PRDM11: variants seen among roughly 807,000 people sequenced by gnomAD.
PRDM11 encodes the protein PR/SET domain 11.
PRDM11 carries 20 observed loss-of-function variants against 97.8 expected under a neutral mutation model. That is an observed-to-expected ratio of 0.20 (90% CI 0.14 to 0.30). The LOEUF (loss-of-function observed/expected upper bound fraction) is 0.30. PRDM11 is among the 10% of genes least tolerant of loss of function. The pLI, the probability that PRDM11 is intolerant of heterozygous loss-of-function variation, is 1.00. For synonymous variants in PRDM11, 599 were observed against 637.7 expected, an observed-to-expected ratio of 0.94 and a Z score of 0.91; for missense variants, 1,139 against 1,555.2, an observed-to-expected ratio of 0.73 and a Z score of 4.50.
intron 4 of PRDM11, among the ~76,000 whole-genome samples, chr11:45,193,272 C>T (rs1022851593): frequency 6.6e-6 from 1 of 152,186 alleles, no homozygotes; most frequent in African/African-American, 2.4e-5. Context: ...CATGATGTGT[C>T]TTGGCCTTTG....
intron 5 of PRDM11, among the ~76,000 whole-genome samples, chr11:45,205,346 CCCCAGGCAGGGTCA>C (rs1381109379): frequency 6.6e-6 from 1 of 152,144 alleles, no homozygotes; most frequent in Non-Finnish European, 1.5e-5. Flanking sequence ...AGGAGACTGG[CCCCAGGCAGGGTCA>C]CCCAGGGATG....
intron 5 of PRDM11, among the ~76,000 whole-genome samples, chr11:45,205,357 G>A (rs2135798616): frequency 6.6e-6 from 1 of 152,244 alleles, no homozygotes; most frequent in South Asian, 2.1e-4. Context: ...CCCAGGCAGG[G>A]TCACCCAGGG....
chr11:45,147,367 C>A (rs1040956772), intron 1 of PRDM11: 1 of 152,054 alleles, frequency 6.6e-6, no homozygotes, highest in Admixed American at 6.5e-5. Context: ...CCCTCGGCCC[C>A]GCGCCGGGGG....
chr11:45,160,608 C>T (rs1851905181), intron 1 of PRDM11, among the ~76,000 whole-genome samples: 3 of 152,224 alleles, frequency 2.0e-5, no homozygotes, highest in South Asian at 4.1e-4. Flanking sequence ...AATCTAGCCA[C>T]ACAGTAGGTT....
chr11:45,212,569 G>A, intron 5 of PRDM11: 1 of 456,298 alleles, frequency 2.2e-6, no homozygotes, highest in Non-Finnish European at 4.4e-6. Context: ...GGCCCGCCCT[G>A]CTCCGTTCAT....
chr11:45,163,775 C>A (rs1677425054), intron 1 of PRDM11, among the ~76,000 whole-genome samples: 1 of 152,206 alleles, frequency 6.6e-6, no homozygotes. Context: ...GAGCTGCAGA[C>A]CAATACTTCC....
At chr11:45,153,001 A>G (rs1851697447) in intron 1 of PRDM11, among the ~76,000 whole-genome samples, 1 of 152,356 alleles carries the variant, frequency 6.6e-6, no homozygotes, top group South Asian at 2.1e-4. Context: ...GGCTGGAGGC[A>G]GGGAGGCCAA....
intron 1 of PRDM11, among the ~76,000 whole-genome samples, chr11:45,098,362 C>T (rs1204348904): frequency 6.6e-6 from 1 of 152,234 alleles, no homozygotes; most frequent in Non-Finnish European, 1.5e-5. Context: ...CCTGACTCTG[C>T]ACCAGACACC....
At chr11:45,142,561 G>A (rs973346852), upstream of PRDM11, among the ~76,000 whole-genome samples, 2 of 152,162 alleles carry the variant, frequency 1.3e-5, no homozygotes, top group African/African-American at 4.8e-5. Context: ...GGACTAATGG[G>A]GGAGATTTTC....
intron 1 of PRDM11, among the ~76,000 whole-genome samples, chr11:45,111,096 G>A (rs770320970): frequency 6.6e-6 from 1 of 152,024 alleles, no homozygotes; most frequent in Non-Finnish European, 1.5e-5. Flanking sequence ...AACTCTGGGA[G>A]GTGTCTCTTC....
intron 5 of PRDM11, among the ~76,000 whole-genome samples, chr11:45,210,427 G>A (rs1018786037): frequency 9.2e-5 from 14 of 152,208 alleles, no homozygotes; most frequent in Non-Finnish European, 1.8e-4. Flanking sequence ...AAAGGCCTCC[G>A]CAGGGACTGC....
chr11:45,133,023 G>C (rs1452681943), intron 1 of PRDM11, among the ~76,000 whole-genome samples: 2 of 152,096 alleles, frequency 1.3e-5, no homozygotes, highest in South Asian at 2.1e-4. Flanking sequence ...TCCTCTTTCT[G>C]GTGTTACCTC....
chr11:45,183,208 T>C, intron 4 of PRDM11, 85 bp downstream of exon 4: 1 of 1,476,152 alleles, frequency 6.8e-7, no homozygotes, highest in Non-Finnish European at 9.1e-7. Context: ...TGGCCCAGCT[T>C]GGCCCCAGAA....
chr11:45,115,559 G>A (rs377306210), intron 1 of PRDM11, among the ~76,000 whole-genome samples: 1 of 152,082 alleles, frequency 6.6e-6, no homozygotes, highest in Non-Finnish European at 1.5e-5. Flanking sequence ...TTCTCTATAA[G>A]AGGCACTCTT....
chr11:45,167,949 C>T (rs1166860104), intron 1 of PRDM11, among the ~76,000 whole-genome samples: 3 of 152,164 alleles, frequency 2.0e-5, no homozygotes, highest in Non-Finnish European at 2.9e-5. Flanking sequence ...CTTCGATGTG[C>T]GTACAAATCA....
At chr11:45,225,001 T>C (rs969764459) in intron 7 of PRDM11, 158 bp downstream of exon 7, 3 of 1,487,700 alleles carry the variant, frequency 2.0e-6, no homozygotes, top group Non-Finnish European at 2.7e-6. Flanking sequence ...AGGTCCTCAG[T>C]GTCTCTGGCA....
intron 1 of PRDM11, among the ~76,000 whole-genome samples, chr11:45,124,811 A>G (rs1207466428): frequency 2.6e-5 from 4 of 152,060 alleles, no homozygotes; most frequent in African/African-American, 9.7e-5. Flanking sequence ...TGTTTTGGTT[A>G]TGTCTCTGCC....
At chr11:45,140,514 C>T (rs1852982733) in intron 1 of PRDM11, among the ~76,000 whole-genome samples, 1 of 152,132 alleles carries the variant, frequency 6.6e-6, no homozygotes. Context: ...TAACATCTAC[C>T]TGGGCATAAA....
At chr11:45,191,827 A>ATTG (rs1852923924) in intron 4 of PRDM11, among the ~76,000 whole-genome samples, 1 of 150,674 alleles carries the variant, frequency 6.6e-6, no homozygotes, top group African/African-American at 2.4e-5. Flanking sequence ...TATTATTATT[A>ATTG]CTATTATTAT....
Sources: allele counts gnomAD v4.1 joint callset (sites outside exome capture counted in the v4.1 genomes callset), GRCh38; gene constraint gnomAD v4.1.1; transcripts MANE v1.5; gene names NCBI Gene and HGNC (gene_info 2026-07-23, HGNC 2026-07-21).